TANGO6: variants seen among roughly 807,000 people sequenced by gnomAD.
TANGO6 encodes transport and golgi organization 6 homolog.
In TANGO6, 90 loss-of-function variants were observed where a neutral mutation model predicts 114.2. The observed-to-expected ratio is 0.79, with a 90% CI of 0.66 to 0.94. The LOEUF is 0.94. Among genes scored for constraint, TANGO6 ranks in the 40% least tolerant of loss-of-function variants. The pLI is 0.00. For synonymous variants in TANGO6, 477 were observed against 509.8 expected (o/e 0.94, Z 0.87); for missense variants, 1,274 against 1,315.3 (o/e 0.97, Z 0.49).
chr16:68,940,438 GA>G (rs903795138), intron 14 of TANGO6, among the ~76,000 whole-genome samples: 38 of 152,220 alleles, frequency 2.5e-4, no homozygotes, highest in African/African-American at 9.2e-4. Context: ...CTTATCAAAT[GA>G]AAAGAGGAGC....
At chr16:68,881,190 A>G (rs962207709) in intron 7 of TANGO6, among the ~76,000 whole-genome samples, 8 of 152,220 alleles carry the variant, frequency 5.3e-5, no homozygotes, top group African/African-American at 1.7e-4. Flanking sequence ...TAACTGGCAA[A>G]TGCCGCTGAT....
At chr16:68,879,911 T>G (rs1363109838) in intron 6 of TANGO6, among the ~76,000 whole-genome samples, 1 of 151,732 alleles carries the variant, frequency 6.6e-6, no homozygotes, top group Non-Finnish European at 1.5e-5. Context: ...CCACCACACC[T>G]GGCCAACTCT....
chr16:68,847,301 ATG>A (rs1961826181), intron 1 of TANGO6, among the ~76,000 whole-genome samples: 2 of 152,226 alleles, frequency 1.3e-5, no homozygotes, highest in Admixed American at 6.5e-5. Context: ...TAGTATTATT[ATG>A]AAATGGTTTT....
At chr16:68,857,185 C>T (rs994952463) in intron 1 of TANGO6, among the ~76,000 whole-genome samples, 6 of 152,282 alleles carry the variant, frequency 3.9e-5, no homozygotes, top group Non-Finnish European at 8.8e-5. Context: ...TTGGCTACTC[C>T]TGATCTTTTT....
At chr16:69,037,127 G>T (rs140912642) in intron 16 of TANGO6, among the ~76,000 whole-genome samples, 2,615 of 134,698 alleles carry the variant, frequency 0.019, 63 homozygotes, top group South Asian at 0.11. Flanking sequence ...CAGAGTGAGA[G>T]TCCATCTCAA....
chr16:68,860,421 T>G lies in TANGO6; in HGVS notation c.632T>G (p.Leu211Arg). Reference protein sequence around the residue: ...ALLNVAQHTSLGSLIFCHHFG... With the variant: ...ALLNVAQHTSRGSLIFCHHFG... ...CTGAATGTTGCTCAGCACACATCTCTGGGGAGCTTGATCTTCTGCCACCAC... is the reference window on the plus strand; with the variant it reads ...CTGAATGTTGCTCAGCACACATCTCGGGGGAGCTTGATCTTCTGCCACCAC... Residue 211 changes from leucine to arginine, a missense_variant, in exon 2 of 18, where the codon CTG (leucine) becomes CGG (arginine). Physicochemically the swap from Leu to Arg is moderately radical, Grantham distance 102. This residue lies in a region of TANGO6 where 908 missense variants were observed against 910.2 expected (regional missense o/e 1.00). Coordinates refer to ENST00000261778, the MANE Select transcript of TANGO6 (RefSeq NM_024562.2). The G allele has an allele frequency of 1.2e-6, 2 of 1,614,010 alleles. No individual in the cohort carries two copies. The highest frequency in any genetic ancestry group is 1.7e-6 in the Non-Finnish European group (2 of 1,179,904).
At chr16:69,053,711 T>C (rs1398813222) in intron 17 of TANGO6, among the ~76,000 whole-genome samples, 3 of 152,152 alleles carry the variant, frequency 2.0e-5, no homozygotes, top group Non-Finnish European at 4.4e-5. Context: ...GGTGATATCA[T>C]TGGGAGACTC....
At chr16:68,878,407 A>AT (rs1962403486) in intron 6 of TANGO6, 127 bp downstream of exon 6, 5 of 1,124,404 alleles carry the variant, frequency 4.4e-6, no homozygotes, top group Admixed American at 6.7e-5. Context: ...CCAACTTTTT[A>AT]TTTTGACAAA....
At chr16:69,007,666 G>A (rs1177892988) in intron 15 of TANGO6, among the ~76,000 whole-genome samples, 1 of 152,144 alleles carries the variant, frequency 6.6e-6, no homozygotes, top group African/African-American at 2.4e-5. Flanking sequence ...AAGTTTTTAT[G>A]TGGAAATGTG....
At chr16:69,002,986 G>C (rs143437221) in intron 15 of TANGO6, among the ~76,000 whole-genome samples, 1 of 151,854 alleles carries the variant, frequency 6.6e-6, no homozygotes, top group Non-Finnish European at 1.5e-5. Context: ...AGGTTGCAGT[G>C]AGCTGAGATG....
intron 14 of TANGO6, among the ~76,000 whole-genome samples, chr16:68,962,367 A>C (rs1414389789): frequency 6.6e-6 from 1 of 152,208 alleles, no homozygotes; most frequent in Non-Finnish European, 1.5e-5. Flanking sequence ...CTTAATCAGG[A>C]GGAAAACTTT....
chr16:68,849,680 A>G (rs1240794375), intron 1 of TANGO6, among the ~76,000 whole-genome samples: 1 of 152,112 alleles, frequency 6.6e-6, no homozygotes, highest in African/African-American at 2.4e-5. Flanking sequence ...ATGAAAAGGA[A>G]AAAGAAATTG....
intron 14 of TANGO6, among the ~76,000 whole-genome samples, chr16:68,932,506 G>C (rs904507020): frequency 6.6e-6 from 1 of 152,096 alleles, no homozygotes; most frequent in South Asian, 2.1e-4. Flanking sequence ...CATTAGGACC[G>C]GGAGCAGTGG....
At chr16:68,980,409 C>CTCTCTCTCTCTCTCTCTCTCTCTATA (rs1408626276) in intron 15 of TANGO6, among the ~76,000 whole-genome samples, 6 of 67,984 alleles carry the variant, frequency 8.8e-5, no homozygotes, top group Non-Finnish European at 1.6e-4. Context: ...CTCTCTCTCT[C>CTCTCTCTCTCTCTCTCTCTCTCTATA]TATATATATA....
intron 6 of TANGO6, among the ~76,000 whole-genome samples, chr16:68,879,413 T>C (rs886067580): frequency 2.0e-5 from 3 of 152,008 alleles, no homozygotes; most frequent in African/African-American, 7.2e-5. Context: ...ACCCAGGAGG[T>C]TGAGGTTGCA....
chr16:69,066,429 G>A (rs570441302), intron 17 of TANGO6, among the ~76,000 whole-genome samples: 1 of 152,172 alleles, frequency 6.6e-6, no homozygotes, highest in South Asian at 2.1e-4. Flanking sequence ...CAAGTAGCTG[G>A]GATTACAGGC....
chr16:68,966,116 C>T (rs1005673045), intron 14 of TANGO6, among the ~76,000 whole-genome samples: 1 of 152,110 alleles, frequency 6.6e-6, no homozygotes, highest in Non-Finnish European at 1.5e-5. Context: ...ACCTATAGTC[C>T]CAGCTATACT....
At chr16:69,046,979 G>A (rs1246107519) in intron 17 of TANGO6, among the ~76,000 whole-genome samples, 3 of 151,640 alleles carry the variant, frequency 2.0e-5, no homozygotes, top group South Asian at 2.1e-4. Flanking sequence ...TCGGGAGTTC[G>A]AGACCAGCCT....
Position 68,860,492 on chromosome 16 carries a change from A to C in TANGO6, c.703A>C (p.Thr235Pro). The change falls in exon 2 of 18, where the codon ACC (threonine) becomes CCC (proline). Residue 235 changes from threonine to proline, a missense_variant. Thr to Pro is a conservative substitution (Grantham distance 38). Around this residue, in one of 5 missense-constraint regions of TANGO6, gnomAD observed 908 missense variants for 910.2 expected, o/e 1.00. Transcript: ENST00000261778. The stretch of plus-strand genomic sequence containing the variant: ...TCTGTGCCAACTGGGATTCTGCCCA[A>C]CCAAAAGAAAACTGCTAACACCTGC... ...AGLCQLGFCP[T>P]KRKLLTPAEE... The C allele has an allele frequency of 6.2e-7, 1 of 1,613,746 alleles. No individual in the cohort carries two copies. The highest frequency in any genetic ancestry group is 8.5e-7 in the Non-Finnish European group (1 of 1,179,804).
Sources: gnomAD v4.1 joint callset for allele counts (sites outside exome capture counted in the v4.1 genomes callset) on GRCh38, gnomAD v4.1.1 for gene constraint, gnomAD v4.1.1 regional missense constraint, MANE v1.5 for transcripts, NCBI Gene and HGNC (gene_info 2026-07-23, HGNC 2026-07-21) for gene names.